Variants in COL2A1 observed in about 807,000 individuals in gnomAD.
COL2A1 encodes collagen alpha-1(II) chain.
COL2A1 carries 28 observed loss-of-function variants against 204.5 expected under a neutral mutation model. The observed-to-expected ratio is 0.14, with a 90% CI of 0.10 to 0.19. The LOEUF is 0.19. Among genes scored for constraint, COL2A1 ranks in the 10% least tolerant of loss-of-function variants. The pLI is 1.00. For missense variants in COL2A1, 1,388 were observed against 2,027.5 expected (o/e 0.68, Z 6.06); for synonymous variants, 708 against 718.7 (o/e 0.99, Z 0.24).
chr12:47,994,544 A>T (rs1939859145), intron 11 of COL2A1, 67 bp from the exon 12 acceptor site: 4 of 1,548,508 alleles, frequency 2.6e-6, no homozygotes, highest in Non-Finnish European at 8.9e-7. Flanking sequence ...GGCACCCCAG[A>T]GGGCTTCCCT....
chr12:47,983,501 G>T, intron 30 of COL2A1, 63 bp from the exon 31 acceptor site: 1 of 1,553,840 alleles, frequency 6.4e-7, no homozygotes. Context: ...CCCCAGGGAG[G>T]CACAGTATAG....
chr12:47,994,128 G>A, intron 12 of COL2A1, 81 bp from the exon 13 acceptor site: 1 of 1,493,976 alleles, frequency 6.7e-7, no homozygotes, highest in Non-Finnish European at 9.3e-7. Context: ...AGGGCCTCCA[G>A]TTCCCTTGGG....
intron 16 of COL2A1, 102 bp downstream of exon 16, chr12:47,992,776 C>T (rs1388318416): frequency 8.3e-7 from 1 of 1,201,788 alleles, no homozygotes. Context: ...GATAACAATA[C>T]TCCCTATGCC....
At position 47,975,831 on chromosome 12, in the gene COL2A1, A is replaced by G. The variant is rs570512153; in HGVS notation, c.3597+132T>C. The G allele has an allele frequency of 1.4e-4, 117 of 853,138 alleles. 1 individual carries two copies. The East Asian group carries it at 1.6e-3, about 11-fold the overall frequency. The allele number at this position is 853,138 out of a possible 1,614,324, so 52.8% of individuals were successfully genotyped here. A position where few individuals can be genotyped will look rare whatever the true frequency, so the allele number is the denominator to read the frequency against. On this transcript the variant is annotated intron_variant, in intron 50 of 53. Coordinates refer to ENST00000380518, the MANE Select transcript of COL2A1 (RefSeq NM_001844.5). The stretch of plus-strand genomic sequence containing the variant: ...CATGGGCCCTGTGACCTCTGAGGAG[A>G]CCTCAGGATAAAGGATGCCATCACT...
intron 22 of COL2A1, 26 bp from the exon 23 acceptor site, chr12:47,986,469 A>T (rs1939418290): frequency 6.9e-6 from 10 of 1,440,082 alleles, no homozygotes; most frequent in Admixed American, 2.0e-5. Flanking sequence ...AAAGAGAAAC[A>T]GAGTGAGCCT....
At chr12:47,994,685 C>A (rs1322011825) in intron 11 of COL2A1, among the ~76,000 whole-genome samples, 2 of 152,236 alleles carry the variant, frequency 1.3e-5, no homozygotes, top group African/African-American at 4.8e-5. Flanking sequence ...CATGGGCAAG[C>A]TCCTCTGTCC....
chr12:47,997,588 G>A lies in COL2A1; in HGVS notation c.531+18C>T, dbSNP rs773205633. On this transcript the variant is annotated intron_variant, in intron 7 of 53. Coordinates refer to ENST00000380518, the MANE Select transcript of COL2A1 (RefSeq NM_001844.5). ...TCTGGAGGGACAGCCTGAAGGAATG[G>A]GAAGTAAGGATACTTACTCCACCAA... is the stretch of plus-strand genomic sequence containing the variant. 6.8e-6 allele frequency: 11 copies of A among 1,613,884 alleles called. No individual in the cohort carries two copies. In the Admixed American group the frequency reaches 1.0e-4, roughly 15 times the overall value.
chr12:47,993,469 G>C lies in COL2A1; in HGVS notation c.958C>G (p.Pro320Ala), dbSNP rs1939801265. Residue 320 changes from proline to alanine, a missense_variant, in exon 15 of 54, where the codon CCG (proline) becomes GCG (alanine). Transcript: ENST00000380518. ...GTGTCCATACTTACCATTGGGCCCG[G>C]AGATCCGTTCTCACCCGGGGAACCA... is the stretch of plus-strand genomic sequence containing the variant. ...ESGSPGENGS[P>A]GPMGPRGLPG... is the part of the protein sequence containing the mutation. The C allele has an allele frequency of 6.2e-7, 1 of 1,613,344 alleles. No individual in the cohort carries two copies. The highest frequency in any genetic ancestry group is 1.3e-5 in the African/African-American group (1 of 74,898).
chr12:47,977,539 C>T, intron 45 of COL2A1, 61 bp downstream of exon 45: 1 of 1,607,408 alleles, frequency 6.2e-7, no homozygotes, highest in Non-Finnish European at 8.5e-7. Context: ...CCCAGCTGAC[C>T]TGTCAGGCCC....
At chr12:47,990,799 T>A (rs1463752091) in intron 16 of COL2A1, among the ~76,000 whole-genome samples, 1 of 152,196 alleles carries the variant, frequency 6.6e-6, no homozygotes, top group Non-Finnish European at 1.5e-5. Flanking sequence ...ACCCCTCAAA[T>A]GCTCTCTCAA....
At chr12:47,985,650 C>T in intron 25 of COL2A1, 63 bp from the exon 26 acceptor site, 2 of 1,607,854 alleles carry the variant, frequency 1.2e-6, no homozygotes, top group Non-Finnish European at 1.7e-6. Context: ...CCAATCCTGG[C>T]AGTGCAGGGC....
chr12:47,987,669 G>T lies in COL2A1; in HGVS notation c.1163C>A (p.Ala388Asp). ...ACCAGGTTCACCGCGAGGACCTTGA[G>T]CACCTTCAGGACCACGGGCACCAGT... ...GPTGARGPEG[A>D]QGPRGEPGTP... Residue 388 changes from alanine (A) to aspartate (D), a missense_variant, in exon 19 of 54, where the codon GCT becomes GAT. This residue lies in a region of COL2A1 where 884 missense variants were observed against 1,415.8 expected (regional missense o/e 0.62). Transcript: ENST00000380518. The surrounding 1 kb of genome is among the most constrained non-coding windows in gnomAD (Gnocchi z 4.1). 1 of 1,613,336 alleles carries T rather than the reference G, an allele frequency of 6.2e-7. No homozygotes were observed. Among genetic ancestry groups the T allele is most frequent in the South Asian group, 1.1e-5 (1 of 90,872 alleles).
intron 36 of COL2A1, 145 bp downstream of exon 36, chr12:47,981,631 C>G (rs1168749043): frequency 1.9e-6 from 2 of 1,077,966 alleles, no homozygotes; most frequent in African/African-American, 3.1e-5. Context: ...GGCTTCACTT[C>G]TGAGAGGGCC....
chr12:47,984,349 C>T (rs1182994092), intron 28 of COL2A1, among the ~76,000 whole-genome samples, 197 bp downstream of exon 28: 10 of 152,132 alleles, frequency 6.6e-5, no homozygotes, highest in African/African-American at 7.2e-5. Context: ...CCCAGCTCCC[C>T]GGCCTGCTGA....
At chr12:47,996,007 G>T in intron 8 of COL2A1, 88 bp from the exon 9 acceptor site, 1 of 1,089,692 alleles carries the variant, frequency 9.2e-7, no homozygotes, top group Non-Finnish European at 1.4e-6. Flanking sequence ...AACAGCCCGG[G>T]CAAAGGACAA....
rs757966388 is a variant in COL2A1 at position 47,980,541 on chromosome 12, C to A, written c.2625+13G>T. 1 of 1,589,180 alleles carries A rather than the reference C, an allele frequency of 6.3e-7. No individual in the cohort carries two copies. Among genetic ancestry groups the A allele is most frequent in the East Asian group, 2.3e-5 (1 of 44,080 alleles). On this transcript the variant is annotated intron_variant, in intron 39 of 53. Transcript: ENST00000380518. This position sits in a 1 kb window ranked among gnomAD's most constrained non-coding sequence, Gnocchi z 4.5. Reference sequence around the variant, plus strand: ...CCTTGAGGGAACAATTCTTGGAGTGCAGCGTTACCCACCTGAGGCCCAGGT... The same window carrying A: ...CCTTGAGGGAACAATTCTTGGAGTGAAGCGTTACCCACCTGAGGCCCAGGT...
At position 47,989,471 on chromosome 12, in the gene COL2A1, G is replaced by T. The variant is rs111391015; in HGVS notation, c.1069-190C>A. Among the ~76,000 whole-genome samples the T allele has an allele frequency of 5.1e-4, 77 of 152,290 alleles. 2 individuals carry two copies. The highest frequency in any genetic ancestry group is 1.8e-3 in the African/African-American group (76 of 41,560). ...CAGGAAACTTTGCCTGGCTTCAGAAGGCAAAGCAAGTTTCTGACTACATCT... is the reference window on the plus strand; with the variant it reads ...CAGGAAACTTTGCCTGGCTTCAGAATGCAAAGCAAGTTTCTGACTACATCT... On this transcript the variant is annotated intron_variant, in intron 17 of 53. Coordinates refer to ENST00000380518, the MANE Select transcript of COL2A1 (RefSeq NM_001844.5).
rs562808000 is a variant in COL2A1, at chr12:47,977,079, G to C, written c.3327+23C>G. 3 of 1,598,282 alleles carry C rather than the reference G, an allele frequency of 1.9e-6. No individual in the cohort carries two copies. The South Asian group carries it at 3.4e-5, about 18-fold the overall frequency. ...CCAGCCTATCCCTGGTGGGGACTCA[G>C]TGCAGGACACTTGGATACTCACCTG... On this transcript the variant is annotated intron_variant, in intron 47 of 53. Coordinates refer to ENST00000380518, the MANE Select transcript of COL2A1 (RefSeq NM_001844.5).
Position 47,980,735 on chromosome 12 carries a change from ACT to A in COL2A1, c.2518-76_2518-75del, listed in dbSNP as rs771807946. ...TGGAGCTCTTCCAGAAGAGCAGGAG[ACT>A]CTGTGAGTATCTGCGTGTGTGTCCT... is the stretch of plus-strand genomic sequence containing the variant. On this transcript the variant is annotated intron_variant, in intron 38 of 53. Coordinates refer to ENST00000380518, the MANE Select transcript of COL2A1 (RefSeq NM_001844.5). The surrounding 1 kb of genome is among the most constrained non-coding windows in gnomAD (Gnocchi z 4.5). 3.2e-4 allele frequency: 466 copies of A among 1,457,578 alleles called. No individual in the cohort carries two copies. Among genetic ancestry groups the A allele is most frequent in the Non-Finnish European group, 4.0e-4 (419 of 1,058,962 alleles). The allele number at this position is 1,457,578 out of a possible 1,614,324, so 90.3% of individuals were successfully genotyped here.
Sources: gnomAD v4.1 joint callset for allele counts (sites outside exome capture counted in the v4.1 genomes callset) on GRCh38, gnomAD v4.1.1 for gene constraint, gnomAD v4.1.1 regional missense constraint, Gnocchi (gnomAD v3.1) non-coding constraint, MANE v1.5 for transcripts, NCBI Gene and HGNC (gene_info 2026-07-23, HGNC 2026-07-21) for gene names.